Variants in DPP6 observed in about 807,000 individuals in gnomAD.
DPP6 encodes dipeptidyl peptidase like 6.
DPP6 carries 69 observed loss-of-function variants against 122.6 expected under a neutral mutation model. That is an observed-to-expected ratio of 0.56 (90% CI 0.46 to 0.69). The LOEUF is 0.69. Among genes scored for constraint, DPP6 ranks in the 30% least tolerant of loss-of-function variants. DPP6 has a pLI of 0.00. For synonymous variants in DPP6, 418 were observed against 433.1 expected (o/e 0.97, Z 0.43); for missense variants, 928 against 1,116.9 (o/e 0.83, Z 2.41).
In DPP6 at chr7:154,241,779, G is replaced by A. The variant is rs536068885; in HGVS notation, c.243+188716G>A. 3.3e-5 allele frequency among the ~76,000 whole-genome samples: 5 copies of A among 152,074 alleles called. No individual in the cohort carries two copies. The highest frequency in any genetic ancestry group is 1.9e-4 in the East Asian group (1 of 5,180). On this transcript the variant is annotated intron_variant, in intron 1 of 25. Transcript: ENST00000377770. The surrounding 1 kb of genome is among the most constrained non-coding windows in gnomAD (Gnocchi z 9.0). The stretch of plus-strand genomic sequence containing the variant: ...TTTAAGTTTAAAAAGATTGTCTGCC[G>A]ACCGAAAAAGTTTATGTCAAAACTA...
chr7:154,846,374 A>AG (rs1216176528), intron 16 of DPP6, among the ~76,000 whole-genome samples: 1 of 152,032 alleles, frequency 6.6e-6, no homozygotes, highest in Non-Finnish European at 1.5e-5. Context: ...TTCCAGATGA[A>AG]GGCTGACCTT....
intron 5 of DPP6, among the ~76,000 whole-genome samples, chr7:154,610,697 G>A (rs1251671685): frequency 1.4e-5 from 2 of 139,314 alleles, no homozygotes; most frequent in Non-Finnish European, 3.1e-5. Flanking sequence ...ATTTGTGTCT[G>A]TGTTGTTCTC....
chr7:153,883,378 CT>C (rs1019751298), upstream of DPP6, among the ~76,000 whole-genome samples: 171 of 122,638 alleles, frequency 1.4e-3, 1 homozygote, highest in African/African-American at 5.7e-3. Flanking sequence ...CCTTCTTTTC[CT>C]TTTTTTTGTT....
chr7:154,070,315 A>G (rs1585309404), intron 1 of DPP6, among the ~76,000 whole-genome samples: 1 of 151,522 alleles, frequency 6.6e-6, no homozygotes, highest in Admixed American at 6.6e-5. Context: ...GCTCGGTCAC[A>G]AATTAATTAT....
intron 17 of DPP6, among the ~76,000 whole-genome samples, chr7:154,867,122 A>G (rs1334990261): frequency 6.6e-6 from 1 of 152,208 alleles, no homozygotes; most frequent in Non-Finnish European, 1.5e-5. Context: ...GCCAAAGGCA[A>G]AGTTCCTTGC....
At chr7:154,798,333 C>T (rs909261719) in intron 12 of DPP6, among the ~76,000 whole-genome samples, 3 of 152,168 alleles carry the variant, frequency 2.0e-5, no homozygotes, top group Non-Finnish European at 4.4e-5. Flanking sequence ...TGTGTCTCAT[C>T]GCCCATATGA....
At chr7:154,341,547 T>C (rs1809936260) in intron 1 of DPP6, among the ~76,000 whole-genome samples, 1 of 151,968 alleles carries the variant, frequency 6.6e-6, no homozygotes. Flanking sequence ...AGGAAAGATA[T>C]AAGATTTTGA....
intron 5 of DPP6, among the ~76,000 whole-genome samples, chr7:154,637,417 C>G (rs866443856): frequency 6.6e-6 from 1 of 152,208 alleles, no homozygotes; most frequent in African/African-American, 2.4e-5. Context: ...CTGGTGGACC[C>G]CTTCCCATAA....
intron 1 of DPP6, among the ~76,000 whole-genome samples, chr7:154,086,001 C>G (rs1371271694): frequency 6.6e-6 from 1 of 151,904 alleles, no homozygotes; most frequent in Non-Finnish European, 1.5e-5. Flanking sequence ...GCTGAGATTA[C>G]AGGCGTGAGC....
rs565705700 is a variant in DPP6 at position 154,036,790 on chromosome 7, C to T, written c.51+149056C>T. Among the ~76,000 whole-genome samples the T allele has an allele frequency of 1.1e-4, 17 of 152,084 alleles. No homozygotes were observed. The East Asian group carries it at 1.6e-3, about 14-fold the overall frequency. On this transcript the variant is annotated intron_variant, in intron 1 of 25. Coordinates refer to the DPP6 transcript ENST00000404039. ...TTCAGTGTCCATGGAAAAACAACTG[C>T]GTATAGGAAGAGGGAAGGGGGACAT... is the stretch of plus-strand genomic sequence containing the variant.
chr7:154,053,182 CGACTCTCCGGGCGCCCCCA>C (rs1800523141), intron 1 of DPP6, 119 bp downstream of exon 1: 2 of 896,992 alleles, frequency 2.2e-6, no homozygotes, highest in Admixed American at 6.2e-5. Flanking sequence ...CCCCCGCCCA[CGACTCTCCGGGCGCCCCCA>C]GACAGGCTCC....
At chr7:153,979,646 GC>G (rs1306996009) in intron 1 of DPP6, among the ~76,000 whole-genome samples, 3 of 152,334 alleles carry the variant, frequency 2.0e-5, no homozygotes, top group African/African-American at 7.2e-5. Flanking sequence ...AATGTTTCCA[GC>G]TTTTGCCCAT....
the DPP6 span, among the ~76,000 whole-genome samples, chr7:153,832,204 C>G: frequency 6.6e-6 from 1 of 152,178 alleles, no homozygotes; most frequent in African/African-American, 2.4e-5. Context: ...AAAAACTAGC[C>G]TACTTTAGAT....
Position 154,052,616 on chromosome 7 carries a change from G to C in DPP6, c.-205G>C. 7.9e-7 allele frequency: 1 copy of C among 1,266,058 alleles called. No individual in the cohort carries two copies. The highest frequency in any genetic ancestry group is 1.0e-6 in the Non-Finnish European group (1 of 997,366). 78.4% of individuals were successfully genotyped at this position (1,266,058 alleles called of 1,614,324 possible). On this transcript the variant is annotated 5_prime_UTR_variant, in exon 1 of 26. Coordinates refer to ENST00000377770, the MANE Select transcript of DPP6 (RefSeq NM_130797.4). This position sits in a 1 kb window ranked among gnomAD's most constrained non-coding sequence, Gnocchi z 4.8. ...CCGGGGAGGGGGCGGAGGAGGCTGA[G>C]CCAGGCAGAGTCGCCAGCGGAGACT...
At chr7:154,889,728 G>T in intron 25 of DPP6, 198 bp downstream of exon 25, 1 of 818,216 alleles carries the variant, frequency 1.2e-6, no homozygotes, top group Non-Finnish European at 1.8e-6. Flanking sequence ...GCTCCGCTCT[G>T]TACTTCAGCC....
At chr7:154,064,580 G>T (rs4067512) in intron 1 of DPP6, among the ~76,000 whole-genome samples, 1 of 152,126 alleles carries the variant, frequency 6.6e-6, no homozygotes, top group African/African-American at 2.4e-5. Context: ...TGGGACTTCA[G>T]TCTTATCTGG....
chr7:154,779,082 C>A, intron 10 of DPP6, among the ~76,000 whole-genome samples: 1 of 113,012 alleles, frequency 8.8e-6, no homozygotes, highest in Non-Finnish European at 1.9e-5. Flanking sequence ...TCCATCACCT[C>A]CACAACCTCT....
chr7:153,883,110 G>A (rs1011305370), upstream of DPP6, among the ~76,000 whole-genome samples: 7 of 151,990 alleles, frequency 4.6e-5, no homozygotes, highest in African/African-American at 9.7e-5. Context: ...TTGCGAAAAT[G>A]TTGATAAATA....
chr7:154,256,707 G>A (rs769337039), intron 1 of DPP6, among the ~76,000 whole-genome samples: 3 of 152,132 alleles, frequency 2.0e-5, no homozygotes, highest in Admixed American at 6.5e-5. Context: ...TTTGAGAATC[G>A]TCATTGTGGA....
Sources: allele counts gnomAD v4.1 joint callset (sites outside exome capture counted in the v4.1 genomes callset), GRCh38; gene constraint gnomAD v4.1.1; non-coding constraint Gnocchi (gnomAD v3.1); transcripts MANE v1.5; gene names NCBI Gene and HGNC (gene_info 2026-07-23, HGNC 2026-07-21).